The following SV2A variants were observed in gnomAD, a reference collection of about 807,000 sequenced individuals.
The protein encoded by SV2A is solute carrier family 22 member B1.
Under a neutral mutation model 78.0 loss-of-function variants are expected in SV2A, and 25 were observed. That is an observed-to-expected ratio of 0.32 (90% CI 0.23 to 0.45). The LOEUF (loss-of-function observed/expected upper bound fraction) is 0.45. Ranked by LOEUF, SV2A falls within the 20% of genes least tolerant of loss-of-function variation. The pLI is 1.00. For synonymous variants in SV2A, 355 were observed against 384.7 expected (o/e 0.92, Z 0.90); for missense variants, 752 against 971.5 (o/e 0.77, Z 3.00).
Position 149,909,551 on chromosome 1 carries a change from A to C in SV2A, c.1200T>G (p.Ile400Met), listed in dbSNP as rs782242055. 2 of 1,613,926 alleles carry C rather than the reference A, an allele frequency of 1.2e-6. No individual in the cohort carries two copies. The highest frequency in any genetic ancestry group is 2.2e-5 in the South Asian group (2 of 91,048). ...TCTCAATCAATTCATCCTCCTGATG[A>C]ATCGTCTTAATGTGGGTTACCTGGG... ...RVFSVTHIKT[I>M]HQEDELIEIQ... Residue 400 changes from isoleucine (I) to methionine (M), a missense_variant, in exon 7 of 13, where the codon ATT becomes ATG. Transcript: ENST00000369146.
intron 2 of SV2A, among the ~76,000 whole-genome samples, chr1:149,912,317 C>T (rs1553763916): frequency 6.6e-6 from 1 of 152,070 alleles, no homozygotes; most frequent in Non-Finnish European, 1.5e-5. Flanking sequence ...GATCACAGAC[C>T]ACCCCAGGGT....
chr1:149,915,913 G>GCA (rs150600749), intron 1 of SV2A, among the ~76,000 whole-genome samples: 72 of 137,458 alleles, frequency 5.2e-4, no homozygotes, highest in South Asian at 1.7e-3. Context: ...ACACACACAC[G>GCA]CACACACACA....
At position 149,909,573 on chromosome 1, in the gene SV2A, TG is replaced by T. The variant is rs1553763395; in HGVS notation, c.1180-3del. 6.2e-7 allele frequency: 1 copy of T among 1,613,542 alleles called. No homozygotes were observed. The highest frequency in any genetic ancestry group is 1.1e-5 in the South Asian group (1 of 91,064). On this transcript the variant is annotated splice_region_variant and splice_polypyrimidine_tract_variant and intron_variant, in intron 6 of 12. Transcript: ENST00000369146. ...ATGAATCGTCTTAATGTGGGTTACCTGGGGTCAAGAGAAGGGGTGGGCAGTC... is the reference window on the plus strand; with the variant it reads ...ATGAATCGTCTTAATGTGGGTTACCTGGGTCAAGAGAAGGGGTGGGCAGTC...
Position 149,909,263 on chromosome 1 carries a change from G to C in SV2A, c.1308C>G (p.Leu436=). Residue 436 remains leucine, a synonymous_variant, in exon 8 of 13, where the codon CTC becomes CTG. Transcript: ENST00000369146. ...SLGGQVWGNF[L]SCFGPEYRRI... ...GCCGATATTCGGGACCAAAACAGGA[G>C]AGAAAATTCCCCCAAACCTACAGGG... 2 of 1,614,052 alleles carry C rather than the reference G, an allele frequency of 1.2e-6. No homozygotes were observed. The highest frequency in any genetic ancestry group is 1.7e-6 in the Non-Finnish European group (2 of 1,180,022).
chr1:149,917,704 G>T (rs2101631464), intron 1 of SV2A, 35 bp downstream of exon 1: 2 of 152,356 alleles, frequency 1.3e-5, no homozygotes, highest in Middle Eastern at 3.4e-3. Flanking sequence ...TGCCAGGGGC[G>T]GGGAGGAGGT....
chr1:149,906,059 G>C lies in SV2A; in HGVS notation c.1886-20C>G, dbSNP rs782159309. Reference sequence around the variant, plus strand: ...AGCCAGCTGGAGCCAGGAGAGGAGAGAGCAACATGAGCCTGGCCACAGTGA... The same window carrying C: ...AGCCAGCTGGAGCCAGGAGAGGAGACAGCAACATGAGCCTGGCCACAGTGA... On this transcript the variant is annotated intron_variant, in intron 11 of 12. Coordinates refer to ENST00000369146, the MANE Select transcript of SV2A (RefSeq NM_014849.5). 17 of 1,613,432 alleles carry C rather than the reference G, an allele frequency of 1.1e-5. No individual in the cohort carries two copies. The highest frequency in any genetic ancestry group is 2.2e-5 in the South Asian group (2 of 91,020).
intron 1 of SV2A, among the ~76,000 whole-genome samples, chr1:149,917,416 C>T (rs1284980799): frequency 1.3e-5 from 2 of 152,088 alleles, no homozygotes; most frequent in Admixed American, 6.5e-5. Context: ...TTTGAGGGAA[C>T]CTCATCCCAC....
rs1296297221 is a variant in SV2A at position 149,904,965 on chromosome 1, T to G, written c.*49A>C. The G allele has an allele frequency of 6.5e-7, 1 of 1,534,898 alleles. No individual in the cohort carries two copies. The highest frequency in any genetic ancestry group is 2.4e-5 in the East Asian group (1 of 42,552). ...CAGGGCAGGGAGGGGAAGGAAGGAGTTGTTGGTCTCACAGTGTGCCTGCCA... is the reference window on the plus strand; with the variant it reads ...CAGGGCAGGGAGGGGAAGGAAGGAGGTGTTGGTCTCACAGTGTGCCTGCCA... On this transcript the variant is annotated 3_prime_UTR_variant, in exon 13 of 13. Coordinates refer to ENST00000369146, the MANE Select transcript of SV2A (RefSeq NM_014849.5).
Position 149,913,267 on chromosome 1 carries a change from T to G in SV2A, c.574A>C (p.Ser192Arg). The stretch of plus-strand genomic sequence containing the variant: ...GACAGGCACATGTCTTTCTCAGCGC[T>G]GGGCAGCACGAAGCCCACCACAAAG... ...EVFVVGFVLP[S>R]AEKDMCLSDS... Residue 192 changes from serine (S) to arginine (R), a missense_variant, in exon 2 of 13, where the codon AGC becomes CGC. By Grantham distance (110) the Ser-to-Arg change is moderately radical (BLOSUM62 -1). This residue lies in a region of SV2A where 291 missense variants were observed against 359.5 expected (regional missense o/e 0.81). Transcript: ENST00000369146. 6.2e-7 allele frequency: 1 copy of G among 1,614,052 alleles called. No homozygotes were observed. The highest frequency in any genetic ancestry group is 8.5e-7 in the Non-Finnish European group (1 of 1,179,988).
Position 149,906,597 on chromosome 1 carries a change from T to TC in SV2A, c.1885+52dup, listed in dbSNP as rs369102403. 6.7e-4 allele frequency: 1,062 copies of TC among 1,589,982 alleles called. 10 individuals are homozygous for TC. The African/African-American group carries it at 0.012, about 18-fold the overall frequency. On this transcript the variant is annotated intron_variant, in intron 11 of 12. Coordinates refer to ENST00000369146, the MANE Select transcript of SV2A (RefSeq NM_014849.5). ...CAAGGTGAGAAGCCTGTTGACTGCCTCCCGCAGCCCCTGGCCCCTACTATC... is the reference window on the plus strand; with the variant it reads ...CAAGGTGAGAAGCCTGTTGACTGCCTCCCCGCAGCCCCTGGCCCCTACTATC...
In SV2A at chr1:149,910,240, C is replaced by T. The variant is rs1313568138; in HGVS notation, c.1089+330G>A. Among the ~76,000 whole-genome samples the T allele has an allele frequency of 6.6e-6, 1 of 152,146 alleles. No individual in the cohort carries two copies. The highest frequency in any genetic ancestry group is 2.4e-5 in the African/African-American group (1 of 41,432). On this transcript the variant is annotated intron_variant, in intron 5 of 12. Transcript: ENST00000369146. The surrounding 1 kb of genome is among the most constrained non-coding windows in gnomAD (Gnocchi z 4.2). ...CAAGCATGTAGTCAAAGACCTAATC[C>T]TGCTGGGGTTAGGAGGGGAAGGTAT... is the stretch of plus-strand genomic sequence containing the variant.
rs2092468384 is a variant in SV2A at position 149,910,478 on chromosome 1, C to T, written c.1089+92G>A. The T allele has an allele frequency of 6.9e-7, 1 of 1,445,408 alleles. No individual in the cohort carries two copies. Among genetic ancestry groups the T allele is most frequent in the Non-Finnish European group, 9.1e-7 (1 of 1,097,608 alleles). 89.5% of individuals were successfully genotyped at this position (1,445,408 alleles called of 1,614,324 possible). On this transcript the variant is annotated intron_variant, in intron 5 of 12. Coordinates refer to ENST00000369146, the MANE Select transcript of SV2A (RefSeq NM_014849.5). The surrounding 1 kb of genome is among the most constrained non-coding windows in gnomAD (Gnocchi z 4.2). Reference sequence around the variant, plus strand: ...GGCAGTCAAACAGGATCAAATCAAACTCCAGTTGGTGTTTGAACACAGAAG... The same window carrying T: ...GGCAGTCAAACAGGATCAAATCAAATTCCAGTTGGTGTTTGAACACAGAAG...
At position 149,903,618 on chromosome 1, in the gene SV2A, G is replaced by A. The variant is rs1176116702; in HGVS notation, c.*1396C>T. The A allele has an allele frequency of 6.6e-6, 1 of 152,220 alleles. No homozygotes were observed. The highest frequency in any genetic ancestry group is 2.4e-5 in the African/African-American group (1 of 41,432). 9.4% of individuals were successfully genotyped at this position (152,220 alleles called of 1,614,324 possible). A position where few individuals can be genotyped will look rare whatever the true frequency, so the allele number is the denominator to read the frequency against. ...AATGGGGAGAGTGACCACAGGGTTG[G>A]GGCACTGGACGCAGCATGACGAAGG... is the stretch of plus-strand genomic sequence containing the variant. On this transcript the variant is annotated 3_prime_UTR_variant, in exon 13 of 13. Transcript: ENST00000369146.
chr1:149,913,107 C>T (rs1288360865), intron 2 of SV2A, 112 bp downstream of exon 2: 1 of 1,376,612 alleles, frequency 7.3e-7, no homozygotes, highest in East Asian at 2.3e-5. Context: ...CCTCTGGGAA[C>T]ATCTTGGGTG....
rs782645514 is a variant in SV2A, at chr1:149,913,467, C to T, written c.374G>A (p.Gly125Asp). Residue 125 changes from glycine (G) to aspartate (D), a missense_variant, in exon 2 of 13, where the codon GGC becomes GAC. This residue lies in a region of SV2A where 291 missense variants were observed against 359.5 expected (regional missense o/e 0.81). Transcript: ENST00000369146. ...AGGGGGACCCTCCCCATCACTCAAG[C>T]CCCCCCTTACTCCAGCCAGGGGCGC... ...DGAPLAGVRG[G>D]LSDGEGPPGG... 4.3e-6 allele frequency: 7 copies of T among 1,611,060 alleles called. No homozygotes were observed. Among genetic ancestry groups the T allele is most frequent in the Non-Finnish European group, 5.9e-6 (7 of 1,178,676 alleles).
At chr1:149,916,950 C>G (rs1332884877) in intron 1 of SV2A, among the ~76,000 whole-genome samples, 2 of 152,026 alleles carry the variant, frequency 1.3e-5, no homozygotes, top group African/African-American at 4.8e-5. Context: ...GAGAGGGGGA[C>G]GCAGGGAGAG....
chr1:149,910,465 G>A lies in SV2A; in HGVS notation c.1089+105C>T. The stretch of plus-strand genomic sequence containing the variant: ...TGTGAGGAAGGCAGGCAGTCAAACA[G>A]GATCAAATCAAACTCCAGTTGGTGT... On this transcript the variant is annotated intron_variant, in intron 5 of 12. Coordinates refer to ENST00000369146, the MANE Select transcript of SV2A (RefSeq NM_014849.5). The surrounding 1 kb of genome is among the most constrained non-coding windows in gnomAD (Gnocchi z 4.2). 1 of 1,420,220 alleles carries A rather than the reference G, an allele frequency of 7.0e-7. No homozygotes were observed. The highest frequency in any genetic ancestry group is 1.5e-5 in the South Asian group (1 of 67,056). The allele number at this position is 1,420,220 out of a possible 1,614,324, so 88.0% of individuals were successfully genotyped here. A position where few individuals can be genotyped will look rare whatever the true frequency, so the allele number is the denominator to read the frequency against.
At position 149,905,997 on chromosome 1, in the gene SV2A, G is replaced by A. The variant is rs2092435284; in HGVS notation, c.1928C>T (p.Ser643Phe). ...CATGGCCGACTCACTGTTCCCAAAAGACAGGAAGAAGCAGGAGACACAGGA... is the reference window on the plus strand; with the variant it reads ...CATGGCCGACTCACTGTTCCCAAAAAACAGGAAGAAGCAGGAGACACAGGA... ...VMSCVSCFFL[S>F]FGNSESAMIA... Residue 643 changes from serine (S) to phenylalanine (F), a missense_variant, in exon 12 of 13, where the codon TCT (serine) becomes TTT (phenylalanine). By Grantham distance (155) the Ser-to-Phe change is radical. Transcript: ENST00000369146. 2.5e-6 allele frequency: 4 copies of A among 1,614,058 alleles called. No individual in the cohort carries two copies. The highest frequency in any genetic ancestry group is 1.3e-5 in the African/African-American group (1 of 74,912).
At position 149,917,838 on chromosome 1, in the gene SV2A, GC is replaced by G. The variant is rs2092526654; in HGVS notation, c.-448del. ...GACTGCTCCCGGCACCAGGGAAGCGGCAATGCAGACCTGCCACCCCCCTTCC... is the reference window on the plus strand; with the variant it reads ...GACTGCTCCCGGCACCAGGGAAGCGGAATGCAGACCTGCCACCCCCCTTCC... On this transcript the variant is annotated 5_prime_UTR_variant, in exon 1 of 13. Coordinates refer to ENST00000369146, the MANE Select transcript of SV2A (RefSeq NM_014849.5). 6.6e-6 allele frequency: 1 copy of G among 152,182 alleles called. No individual in the cohort carries two copies. The highest frequency in any genetic ancestry group is 1.9e-4 in the East Asian group (1 of 5,168). The allele number at this position is 152,182 out of a possible 1,614,324, so 9.4% of individuals were successfully genotyped here. A position where few individuals can be genotyped will look rare whatever the true frequency, so the allele number is the denominator to read the frequency against.
Sources: allele counts gnomAD v4.1 joint callset (sites outside exome capture counted in the v4.1 genomes callset), GRCh38; gene constraint gnomAD v4.1.1; regional missense constraint gnomAD v4.1.1; non-coding constraint Gnocchi (gnomAD v3.1); transcripts MANE v1.5; gene names NCBI Gene and HGNC (gene_info 2026-07-23, HGNC 2026-07-21).